ZNF341: variants seen among roughly 807,000 people sequenced by gnomAD.
ZNF341 encodes zinc finger protein 341.
In ZNF341, 52 loss-of-function variants were observed where a neutral mutation model predicts 87.7. That is an observed-to-expected ratio of 0.59 (90% confidence interval 0.47 to 0.75). The LOEUF (loss-of-function observed/expected upper bound fraction) is 0.75, where lower values mean the gene tolerates loss of function less well. Ranked by LOEUF, ZNF341 falls within the 30% of genes least tolerant of loss-of-function variation. ZNF341 has a pLI of 0.00. For synonymous variants in ZNF341, 459 were observed against 472.7 expected, an observed-to-expected ratio of 0.97 and a Z score of 0.38; for missense variants, 977 against 1,145.9, an observed-to-expected ratio of 0.85 and a Z score of 2.13.
At chr20:33,736,656 A>T (rs1438288764) in intron 1 of ZNF341, among the ~76,000 whole-genome samples, 2 of 152,030 alleles carry the variant, frequency 1.3e-5, no homozygotes, top group South Asian at 2.1e-4. Flanking sequence ...CACCCAGCTA[A>T]TTTTTTCTAT....
chr20:33,751,521 C>T (rs2019054729), intron 4 of ZNF341, among the ~76,000 whole-genome samples: 1 of 152,106 alleles, frequency 6.6e-6, no homozygotes, highest in Non-Finnish European at 1.5e-5. Context: ...TGCTGTGTTT[C>T]TACCCAGGGA....
chr20:33,789,042 G>A (rs2019938777), intron 13 of ZNF341, 68 bp downstream of exon 13: 1 of 1,270,700 alleles, frequency 7.9e-7, no homozygotes, highest in Non-Finnish European at 1.1e-6. Flanking sequence ...TGCTGGGGAG[G>A]GTGGGACAGA....
intron 12 of ZNF341, among the ~76,000 whole-genome samples, chr20:33,785,666 A>G (rs942036265): frequency 2.4e-4 from 37 of 152,156 alleles, no homozygotes; most frequent in African/African-American, 8.9e-4. Context: ...AACCACCAAC[A>G]GGGTGTAACT....
chr20:33,760,746 G>A (rs1245944483), intron 7 of ZNF341, among the ~76,000 whole-genome samples: 1 of 151,976 alleles, frequency 6.6e-6, no homozygotes, highest in Non-Finnish European at 1.5e-5. Flanking sequence ...GTTTCATCAT[G>A]TTGCCCAGGC....
chr20:33,762,810 C>G (rs895106156), intron 8 of ZNF341, among the ~76,000 whole-genome samples: 26 of 152,134 alleles, frequency 1.7e-4, no homozygotes, highest in African/African-American at 6.3e-4. Flanking sequence ...CCTGTGTTAG[C>G]TTGCTGAGAA....
chr20:33,762,620 AC>A (rs2019319282), intron 8 of ZNF341, among the ~76,000 whole-genome samples: 1 of 151,564 alleles, frequency 6.6e-6, no homozygotes, highest in East Asian at 1.9e-4. Flanking sequence ...TGCACGTATC[AC>A]CCCATCATCT....
intron 8 of ZNF341, among the ~76,000 whole-genome samples, chr20:33,763,769 C>T (rs2019342024): frequency 6.6e-6 from 1 of 152,126 alleles, no homozygotes; most frequent in Non-Finnish European, 1.5e-5. Flanking sequence ...CATCATTTGT[C>T]CCTGAGCTAA....
rs545899018 is a variant in ZNF341, at chr20:33,769,964, G to A, written c.1414-120G>A. Reference sequence around the variant, plus strand: ...CCTGGGATCCAGTAGCAGCAGGGGGGCAGAGGGAGCAGTGGTCAGATCATT... The same window carrying A: ...CCTGGGATCCAGTAGCAGCAGGGGGACAGAGGGAGCAGTGGTCAGATCATT... On this transcript the variant is annotated intron_variant, in intron 9 of 14. Coordinates refer to ENST00000375200, the MANE Select transcript of ZNF341 (RefSeq NM_001282933.2). 13 of 658,586 alleles carry A rather than the reference G, an allele frequency of 2.0e-5. No individual in the cohort carries two copies. In the South Asian group the frequency reaches 2.4e-4, roughly 12 times the overall value. The allele number at this position is 658,586 out of a possible 1,614,324, so 40.8% of individuals were successfully genotyped here.
chr20:33,754,510 C>G (rs1285827120), intron 5 of ZNF341, among the ~76,000 whole-genome samples: 1 of 152,148 alleles, frequency 6.6e-6, no homozygotes, highest in East Asian at 1.9e-4. Flanking sequence ...GAGGCATTCA[C>G]GTGATGTTCT....
intron 10 of ZNF341, among the ~76,000 whole-genome samples, chr20:33,774,321 A>G (rs914669334): frequency 3.9e-5 from 6 of 152,064 alleles, no homozygotes; most frequent in African/African-American, 1.4e-4. Flanking sequence ...GAGAAAAATA[A>G]GATTTATTGA....
chr20:33,757,902 G>C (rs1157113200), intron 6 of ZNF341, among the ~76,000 whole-genome samples: 1 of 152,194 alleles, frequency 6.6e-6, no homozygotes, highest in Non-Finnish European at 1.5e-5. Flanking sequence ...TATTAGGCAA[G>C]CAGTAGTATC....
intron 13 of ZNF341, 120 bp from the exon 14 acceptor site, chr20:33,789,398 C>T (rs987732705): frequency 3.0e-6 from 3 of 1,015,718 alleles, no homozygotes; most frequent in African/African-American, 3.2e-5. Flanking sequence ...TCCCACCCTA[C>T]CTCCTTGCCC....
Position 33,766,980 on chromosome 20 carries a change from C to G in ZNF341, c.1352C>G (p.Pro451Arg), listed in dbSNP as rs141362923. The G allele has an allele frequency of 7.4e-6, 12 of 1,614,166 alleles. No homozygotes were observed. Among genetic ancestry groups the G allele is most frequent in the Admixed American group, 1.7e-5 (1 of 60,016 alleles). Reference sequence around the variant, plus strand: ...AGCTCCTACCTGTGCCAATTCTGCCCCAGCAAATTCAGCACCTACTTCCAG... The same window carrying G: ...AGCTCCTACCTGTGCCAATTCTGCCGCAGCAAATTCAGCACCTACTTCCAG... ...IDSSYLCQFC[P>R]SKFSTYFQLK... Residue 451 changes from proline to arginine, a missense_variant, in exon 9 of 15, where the codon CCC (proline) becomes CGC (arginine). Pro to Arg is a moderately radical substitution (Grantham distance 103). Coordinates refer to ENST00000375200, the MANE Select transcript of ZNF341 (RefSeq NM_001282933.2).
At chr20:33,754,344 A>T (rs993702021) in intron 5 of ZNF341, among the ~76,000 whole-genome samples, 14 of 152,138 alleles carry the variant, frequency 9.2e-5, no homozygotes, top group African/African-American at 3.1e-4. Flanking sequence ...ACCTTCCAAG[A>T]CACCAGTGCT....
rs1411247830 is a variant in ZNF341 at position 33,788,894 on chromosome 20, G to T, written c.1884G>T (p.Glu628Asp). The stretch of plus-strand genomic sequence containing the variant: ...AGCCCTACAAATGCTCAGTGTGCGA[G>T]TCTGCGTTCAACCGCAAGGACAAAC... ...GEKPYKCSVC[E>D]SAFNRKDKLK... Residue 628 changes from glutamate (E) to aspartate (D), a missense_variant, in exon 13 of 15, where the codon GAG (glutamate) becomes GAT (aspartate). Glu to Asp is a conservative substitution (Grantham distance 45). Around this residue, in one of 3 missense-constraint regions of ZNF341, gnomAD observed 241 missense variants for 335.0 expected, o/e 0.72. Coordinates refer to ENST00000375200, the MANE Select transcript of ZNF341 (RefSeq NM_001282933.2). The T allele has an allele frequency of 1.2e-6, 2 of 1,614,016 alleles. No individual in the cohort carries two copies. The highest frequency in any genetic ancestry group is 2.7e-5 in the African/African-American group (2 of 74,916).
chr20:33,749,075 A>G lies in ZNF341; in HGVS notation c.489+3A>G. ...CCCAGGGCCCCCCACCTGTGCAGGT[A>G]AGAAGGTGTGGGCTTCTCACAGGGT... On this transcript the variant is annotated splice_donor_region_variant and intron_variant, in intron 4 of 14. Coordinates refer to ENST00000375200, the MANE Select transcript of ZNF341 (RefSeq NM_001282933.2). The G allele has an allele frequency of 6.2e-7, 1 of 1,612,120 alleles. No homozygotes were observed. The highest frequency in any genetic ancestry group is 8.5e-7 in the Non-Finnish European group (1 of 1,178,672).
At position 33,770,049 on chromosome 20, in the gene ZNF341, TG is replaced by T. The variant is rs2019493337; in HGVS notation, c.1414-34del. The stretch of plus-strand genomic sequence containing the variant: ...GGGGCTGCAGTGGAGGAAGCTCTCC[TG>T]CCTCCTGTCACCTGCCCAGCGTCTT... On this transcript the variant is annotated intron_variant, in intron 9 of 14. Coordinates refer to ENST00000375200, the MANE Select transcript of ZNF341 (RefSeq NM_001282933.2). 7.2e-6 allele frequency: 11 copies of T among 1,524,506 alleles called. No individual in the cohort carries two copies. The East Asian group carries it at 2.5e-4, about 34-fold the overall frequency. 94.4% of individuals were successfully genotyped at this position (1,524,506 alleles called of 1,614,324 possible). A position where few individuals can be genotyped will look rare whatever the true frequency, so the allele number is the denominator to read the frequency against.
chr20:33,736,679 C>T (rs934100746), intron 1 of ZNF341, among the ~76,000 whole-genome samples: 14 of 152,080 alleles, frequency 9.2e-5, no homozygotes, highest in Admixed American at 1.3e-4. Context: ...TTAGTAGGGA[C>T]GGGTTTCACC....
At position 33,792,241 on chromosome 20, in the gene ZNF341, T is replaced by C. The variant is rs1203469255; in HGVS notation, c.*724T>C. 6.6e-6 allele frequency: 1 copy of C among 152,256 alleles called. No homozygotes were observed. Among genetic ancestry groups the C allele is most frequent in the African/African-American group, 2.4e-5 (1 of 41,456 alleles). 9.4% of individuals were successfully genotyped at this position (152,256 alleles called of 1,614,324 possible). A position where few individuals can be genotyped will look rare whatever the true frequency, so the allele number is the denominator to read the frequency against. The stretch of plus-strand genomic sequence containing the variant: ...GGCATGGTGCCCGGCACGCAGAAAG[T>C]GCTCAATAAATGTTTTTGTCATAAC... On this transcript the variant is annotated 3_prime_UTR_variant, in exon 15 of 15. Coordinates refer to ENST00000375200, the MANE Select transcript of ZNF341 (RefSeq NM_001282933.2).
Sources: gnomAD v4.1 joint callset for allele counts (sites outside exome capture counted in the v4.1 genomes callset) on GRCh38, gnomAD v4.1.1 for gene constraint, gnomAD v4.1.1 regional missense constraint, MANE v1.5 for transcripts, NCBI Gene and HGNC (gene_info 2026-07-23, HGNC 2026-07-21) for gene names.